TMEM131: variants seen among roughly 807,000 people sequenced by gnomAD.
TMEM131 encodes the protein 2610524E03Rik.
A neutral mutation model predicts 211.6 loss-of-function variants in TMEM131; 66 were observed. That is an observed-to-expected ratio of 0.31 (90% CI 0.26 to 0.38). The LOEUF (loss-of-function observed/expected upper bound fraction) is 0.38, where lower values mean the gene tolerates loss of function less well. TMEM131 is among the 10% of genes least tolerant of loss of function. TMEM131 has a pLI of 1.00. For missense variants in TMEM131, 2,036 were observed against 2,299.3 expected (o/e 0.89, Z 2.34); for synonymous variants, 844 against 841.3 (o/e 1.00, Z -0.06).
chr2:97,882,812 A>AC (rs1674991906), intron 4 of TMEM131, among the ~76,000 whole-genome samples: 2 of 152,140 alleles, frequency 1.3e-5, no homozygotes, highest in Admixed American at 1.3e-4. Flanking sequence ...TGCAACCCCT[A>AC]CTTCTACAGA....
intron 1 of TMEM131, among the ~76,000 whole-genome samples, chr2:97,937,284 T>TTCA (rs1179839795): frequency 1.3e-5 from 2 of 152,042 alleles, no homozygotes; most frequent in Non-Finnish European, 2.9e-5. Context: ...ACTAAAATAA[T>TTCA]TCATCAGAGG....
intron 5 of TMEM131, among the ~76,000 whole-genome samples, chr2:97,857,983 A>C (rs1673917183): frequency 6.6e-6 from 1 of 152,218 alleles, no homozygotes; most frequent in Admixed American, 6.5e-5. Context: ...AGATCCCCCC[A>C]AAATTAAACT....
At chr2:97,828,040 G>A (rs1682483275) in intron 11 of TMEM131, among the ~76,000 whole-genome samples, 1 of 152,224 alleles carries the variant, frequency 6.6e-6, no homozygotes, top group Non-Finnish European at 1.5e-5. Context: ...TTTGGTTGTG[G>A]TAGTCCTGTT....
chr2:97,921,187 G>C (rs1410957345), intron 2 of TMEM131, among the ~76,000 whole-genome samples: 1 of 152,112 alleles, frequency 6.6e-6, no homozygotes, highest in Non-Finnish European at 1.5e-5. Context: ...ATCCAATACA[G>C]TGCCCAGAAA....
Position 97,951,131 on chromosome 2 carries a change from T to C in TMEM131, c.188-23644A>G, listed in dbSNP as rs190939548. ...CTCACATTCAGCACAACCAGACATA[T>C]TGTAACAGGAAAAAAAAAATCCCTT... On this transcript the variant is annotated intron_variant, in intron 1 of 40. Transcript: ENST00000186436. Among the ~76,000 whole-genome samples, 73 of 152,142 alleles carry C rather than the reference T, an allele frequency of 4.8e-4. 1 individual carries two copies. The highest frequency in any genetic ancestry group is 2.9e-3 in the Admixed American group (44 of 15,288).
chr2:97,889,699 C>T (rs532648272), intron 3 of TMEM131, among the ~76,000 whole-genome samples: 2 of 151,878 alleles, frequency 1.3e-5, no homozygotes, highest in East Asian at 3.9e-4. Flanking sequence ...CTCACAGAGC[C>T]AAGAGGCTGT....
At chr2:97,918,432 T>C (rs908264232) in intron 2 of TMEM131, among the ~76,000 whole-genome samples, 1 of 152,126 alleles carries the variant, frequency 6.6e-6, no homozygotes, top group African/African-American at 2.4e-5. Flanking sequence ...TAAAATCTTC[T>C]TGCCAAGAAA....
Position 97,760,416 on chromosome 2 carries a change from C to T in TMEM131, c.5108+177G>A, listed in dbSNP as rs554459793. The T allele has an allele frequency of 2.2e-4, 140 of 643,928 alleles. 1 individual carries two copies. The highest frequency in any genetic ancestry group is 1.9e-3 in the African/African-American group (103 of 54,902). 39.9% of individuals were successfully genotyped at this position (643,928 alleles called of 1,614,324 possible). A position where few individuals can be genotyped will look rare whatever the true frequency, so the allele number is the denominator to read the frequency against. On this transcript the variant is annotated intron_variant, in intron 38 of 40. Coordinates refer to ENST00000186436, the MANE Select transcript of TMEM131 (RefSeq NM_015348.2). ...GACCCCCTGGGGAAGGCACCGCAGC[C>T]GGCTTTCTGCTTCCACCCAGCAGAC... is the stretch of plus-strand genomic sequence containing the variant.
At chr2:97,859,236 TAATC>T (rs1673968733) in intron 5 of TMEM131, 64 bp downstream of exon 5, 3 of 1,477,878 alleles carry the variant, frequency 2.0e-6, no homozygotes, top group African/African-American at 2.9e-5. Context: ...AGCAAGTTAT[TAATC>T]AATAAAAATC....
chr2:97,917,448 T>C (rs968052820), intron 2 of TMEM131, among the ~76,000 whole-genome samples: 7 of 152,136 alleles, frequency 4.6e-5, no homozygotes, highest in East Asian at 1.9e-4. Context: ...ATACAGACAA[T>C]GTACAGTCCC....
chr2:97,888,974 T>C (rs1675271763), intron 3 of TMEM131, among the ~76,000 whole-genome samples: 1 of 152,212 alleles, frequency 6.6e-6, no homozygotes, highest in Admixed American at 6.5e-5. Context: ...AACGTAAGCT[T>C]TGAAATGATA....
intron 1 of TMEM131, among the ~76,000 whole-genome samples, chr2:97,960,947 T>G (rs1678787302): frequency 6.6e-6 from 1 of 152,068 alleles, no homozygotes; most frequent in Non-Finnish European, 1.5e-5. Context: ...ACCATCTTAA[T>G]ATAGAGAAAA....
intron 5 of TMEM131, among the ~76,000 whole-genome samples, chr2:97,845,580 T>C (rs1326625343): frequency 6.6e-6 from 1 of 152,140 alleles, no homozygotes; most frequent in Non-Finnish European, 1.5e-5. Context: ...AGGCTGCAGG[T>C]AAAGCAATAC....
intron 1 of TMEM131, among the ~76,000 whole-genome samples, chr2:97,989,981 G>T (rs999695229): frequency 6.6e-6 from 1 of 152,182 alleles, no homozygotes; most frequent in Non-Finnish European, 1.5e-5. Flanking sequence ...TCTGCCTGCC[G>T]AGGCAAATGC....
At chr2:97,932,308 G>C (rs1283965575) in intron 1 of TMEM131, among the ~76,000 whole-genome samples, 1 of 152,124 alleles carries the variant, frequency 6.6e-6, no homozygotes, top group Non-Finnish European at 1.5e-5. Flanking sequence ...CGAGCTTAAA[G>C]ACATTTTATG....
At chr2:97,976,464 G>A (rs1325141207) in intron 1 of TMEM131, among the ~76,000 whole-genome samples, 1 of 152,030 alleles carries the variant, frequency 6.6e-6, no homozygotes, top group African/African-American at 2.4e-5. Context: ...AGATAAATAT[G>A]ACAAAAGATA....
At chr2:97,788,277 C>T (rs780839571) in intron 31 of TMEM131, among the ~76,000 whole-genome samples, 2 of 152,148 alleles carry the variant, frequency 1.3e-5, no homozygotes, top group African/African-American at 2.4e-5. Flanking sequence ...AAGGGGCCAG[C>T]GTACAGATCC....
Position 97,805,550 on chromosome 2 carries a change from C to A in TMEM131, c.2208+1G>T. Reference sequence around the variant, plus strand: ...AATTCTCAAATATAATATCTTCAAACCTTTGATTTTTTTCCTGGCTCCAAG... The same window carrying A: ...AATTCTCAAATATAATATCTTCAAAACTTTGATTTTTTTCCTGGCTCCAAG... On this transcript the variant is annotated splice_donor_variant, in intron 20 of 40. Coordinates refer to ENST00000186436, the MANE Select transcript of TMEM131 (RefSeq NM_015348.2). LOFTEE classifies it high-confidence loss of function. 1 of 1,607,974 alleles carries A rather than the reference C, an allele frequency of 6.2e-7. No homozygotes were observed. The highest frequency in any genetic ancestry group is 8.5e-7 in the Non-Finnish European group (1 of 1,175,776).
At chr2:97,783,525 A>G (rs1680110256) in intron 31 of TMEM131, among the ~76,000 whole-genome samples, 1 of 152,114 alleles carries the variant, frequency 6.6e-6, no homozygotes, top group Admixed American at 6.5e-5. Flanking sequence ...ACATAAAGGG[A>G]GATAAGGTTT....
Sources: gnomAD v4.1 joint callset for allele counts (sites outside exome capture counted in the v4.1 genomes callset) on GRCh38, gnomAD v4.1.1 for gene constraint, MANE v1.5 for transcripts, NCBI Gene and HGNC (gene_info 2026-07-23, HGNC 2026-07-21) for gene names.